COL6A5: variants seen among roughly 807,000 people sequenced by gnomAD.
COL6A5 encodes the protein collagen type VI alpha 5 chain.
COL6A5 carries 48 observed loss-of-function variants against 65.6 expected under a neutral mutation model. The observed-to-expected ratio is 0.73, with a 90% CI of 0.58 to 0.93. COL6A5 has a LOEUF of 0.93. COL6A5 is among the 40% of genes least tolerant of loss of function. COL6A5 has a pLI of 0.00. For synonymous variants in COL6A5, 291 were observed against 322.8 expected, an observed-to-expected ratio of 0.90 and a Z score of 1.05; for missense variants, 914 against 928.3, an observed-to-expected ratio of 0.98 and a Z score of 0.20.
intron 5 of COL6A5, among the ~76,000 whole-genome samples, chr3:130,388,115 G>T (rs1280592215): frequency 1.3e-5 from 2 of 151,854 alleles, no homozygotes; most frequent in Admixed American, 1.3e-4. Flanking sequence ...AAATCACTTA[G>T]AATTATCCCA....
At chr3:130,385,327 A>G (rs1936148313) in exon 5 of COL6A5, 2 of 1,550,526 alleles carry the variant, frequency 1.3e-6, no homozygotes, top group African/African-American at 2.7e-5. Flanking sequence ...TGAAAAGCAT[A>G]AAAAATGAAG....
chr3:130,364,343 C>T (rs954687400), intron 1 of COL6A5, among the ~76,000 whole-genome samples: 3 of 152,184 alleles, frequency 2.0e-5, no homozygotes, highest in African/African-American at 7.2e-5. Context: ...CTACTATATC[C>T]TTTAAGGTTA....
intron 17 of COL6A5, among the ~76,000 whole-genome samples, chr3:130,407,875 C>G (rs1486840022): frequency 1.3e-5 from 2 of 152,200 alleles, no homozygotes; most frequent in Non-Finnish European, 2.9e-5. Flanking sequence ...GAAGCCACAG[C>G]AGAAGAACAT....
rs756423781 is a variant in COL6A5 at position 130,470,851 on chromosome 3, C to A, written c.2232-20C>A. ...TGTAGGTGGGTAAAATTTAGACTAA[C>A]CAGCCCACTCTCTCTCCAGGTGCCA... On this transcript the variant is annotated intron_variant, in intron 6 of 7. Coordinates refer to ENST00000512836, the Ensembl canonical transcript of COL6A5. 2 of 1,579,880 alleles carry A rather than the reference C, an allele frequency of 1.3e-6. No homozygotes were observed. The highest frequency in any genetic ancestry group is 1.3e-5 in the African/African-American group (1 of 74,148).
chr3:130,357,516 A>T (rs1934964097), intron 1 of COL6A5, among the ~76,000 whole-genome samples: 1 of 152,250 alleles, frequency 6.6e-6, no homozygotes, highest in Non-Finnish European at 1.5e-5. Flanking sequence ...CAAAAATAAT[A>T]GGCATTCTCA....
intron 7 of COL6A5, chr3:130,477,331 A>T (rs572304369): frequency 2.6e-6 from 1 of 386,524 alleles, no homozygotes; most frequent in East Asian, 4.0e-5. Flanking sequence ...TAAATCCATT[A>T]TATCAAATTA....
At chr3:130,444,010 G>A (rs1161838111) in intron 4 of COL6A5, among the ~76,000 whole-genome samples, 4 of 152,080 alleles carry the variant, frequency 2.6e-5, no homozygotes, top group Non-Finnish European at 5.9e-5. Flanking sequence ...AGCCATTTTA[G>A]AGGCCCACCC....
In COL6A5 at chr3:130,366,137, G is replaced by T. The variant is rs1935331523; in HGVS notation, c.-28-7474G>T. Among the ~76,000 whole-genome samples the T allele has an allele frequency of 2.6e-5, 4 of 152,090 alleles. No individual in the cohort carries two copies. The South Asian group carries it at 8.3e-4, about 32-fold the overall frequency. On this transcript the variant is annotated intron_variant and NMD_transcript_variant, in intron 1 of 41. Transcript: ENST00000312481. Reference sequence around the variant, plus strand: ...GGTCCAATGTCATTTATTTCCATGTGGATATAATAGGCCTTATGAAGTTGT... The same window carrying T: ...GGTCCAATGTCATTTATTTCCATGTTGATATAATAGGCCTTATGAAGTTGT...
At chr3:130,360,513 A>G (rs1935070335) in intron 1 of COL6A5, among the ~76,000 whole-genome samples, 1 of 152,130 alleles carries the variant, frequency 6.6e-6, no homozygotes, top group Non-Finnish European at 1.5e-5. Context: ...GAATACATCC[A>G]AACCAGTAGG....
intron 2 of COL6A5, 69 bp from the exon 35 acceptor site, chr3:130,440,097 G>A: frequency 8.0e-7 from 1 of 1,247,602 alleles, no homozygotes; most frequent in Non-Finnish European, 1.1e-6. Flanking sequence ...TGAGTCACTT[G>A]AAGATCTCAA....
intron 4 of COL6A5, among the ~76,000 whole-genome samples, 184 bp downstream of exon 36, chr3:130,443,750 T>TAAGCTTAATTA (rs1709242324): frequency 6.6e-6 from 1 of 152,170 alleles, no homozygotes; most frequent in South Asian, 2.1e-4. Context: ...TTTTATAACA[T>TAAGCTTAATTA]CATAAGCTTA....
chr3:130,362,237 G>A (rs1935133992), intron 1 of COL6A5, among the ~76,000 whole-genome samples: 2 of 101,632 alleles, frequency 2.0e-5, no homozygotes, highest in Admixed American at 2.1e-4. Flanking sequence ...TTTTTGGGAA[G>A]GGTGTAAGGT....
chr3:130,357,925 C>T (rs1343938568), intron 1 of COL6A5, among the ~76,000 whole-genome samples: 1 of 152,176 alleles, frequency 6.6e-6, no homozygotes, highest in Non-Finnish European at 1.5e-5. Flanking sequence ...CATGGTGGCT[C>T]ATGCCTGTAA....
chr3:130,429,277 C>T (rs1256380172), upstream of COL6A5, among the ~76,000 whole-genome samples: 1 of 152,164 alleles, frequency 6.6e-6, no homozygotes, highest in Admixed American at 6.5e-5. Context: ...TAATCAGAGG[C>T]TCATCTGTTT....
intron 3 of COL6A5, among the ~76,000 whole-genome samples, chr3:130,378,456 C>G (rs566285534): frequency 3.8e-4 from 58 of 152,256 alleles, no homozygotes; most frequent in African/African-American, 1.3e-3. Context: ...TAATACTTGT[C>G]CAAGAATCAT....
intron 1 of COL6A5, among the ~76,000 whole-genome samples, chr3:130,437,613 C>A (rs1193177827): frequency 1.3e-5 from 2 of 152,084 alleles, no homozygotes; most frequent in Non-Finnish European, 2.9e-5. Context: ...ATCTACCACC[C>A]AATCCCTCTT....
intron 12 of COL6A5, among the ~76,000 whole-genome samples, chr3:130,403,392 T>C (rs1350388452): frequency 6.6e-6 from 1 of 152,064 alleles, no homozygotes; most frequent in Non-Finnish European, 1.5e-5. Context: ...CCGCAAGCAT[T>C]AGGAGGGTCA....
chr3:130,422,745 C>T, exon 28 of COL6A5: 2 of 1,527,786 alleles, frequency 1.3e-6, no homozygotes, highest in Non-Finnish European at 1.8e-6. Flanking sequence ...CCTGGAATTC[C>T]TGGGGGACCT....
At chr3:130,460,276 C>T (rs1407989684) in intron 5 of COL6A5, among the ~76,000 whole-genome samples, 1 of 152,112 alleles carries the variant, frequency 6.6e-6, no homozygotes, top group Non-Finnish European at 1.5e-5. Context: ...CACTGTGTTG[C>T]TCTTTGTGGA....
Sources: gnomAD v4.1 joint callset for allele counts (sites outside exome capture counted in the v4.1 genomes callset) on GRCh38, gnomAD v4.1.1 for gene constraint, MANE v1.5 for transcripts, NCBI Gene and HGNC (gene_info 2026-07-23, HGNC 2026-07-21) for gene names.